The following ADAMTSL1 variants were observed in gnomAD, a reference collection of about 807,000 sequenced individuals.
ADAMTSL1 encodes the protein ADAMTS like 1, also known as ADAMTS-like protein 1.
A neutral mutation model predicts 201.8 loss-of-function variants in ADAMTSL1; 126 were observed. The observed-to-expected ratio is 0.62, with a 90% CI of 0.54 to 0.72. The LOEUF (loss-of-function observed/expected upper bound fraction) is 0.72, where lower values mean the gene tolerates loss of function less well. Ranked by LOEUF, ADAMTSL1 falls within the 30% of genes least tolerant of loss-of-function variation. The pLI is 0.00. For synonymous variants in ADAMTSL1, 1,121 were observed against 903.4 expected (o/e 1.24, Z -4.32); for missense variants, 2,679 against 2,277.8 (o/e 1.18, Z -3.59).
intron 2 of ADAMTSL1, among the ~76,000 whole-genome samples, chr9:18,191,662 G>A (rs975804827): frequency 3.3e-5 from 5 of 152,168 alleles, no homozygotes; most frequent in African/African-American, 1.2e-4. Context: ...ACAGTTGCCA[G>A]CATGGATGCC....
intron 1 of ADAMTSL1, among the ~76,000 whole-genome samples, chr9:18,088,891 T>C (rs1279119229): frequency 6.6e-6 from 1 of 152,198 alleles, no homozygotes; most frequent in African/African-American, 2.4e-5. Flanking sequence ...TGGGTATTTA[T>C]CTGAAAGATT....
intron 2 of ADAMTSL1, among the ~76,000 whole-genome samples, chr9:18,356,359 G>C (rs1211247541): frequency 6.6e-6 from 1 of 151,938 alleles, no homozygotes; most frequent in African/African-American, 2.4e-5. Context: ...GCCCCTGTCT[G>C]CCTAAGCATT....
chr9:18,170,027 A>G (rs759876358), intron 2 of ADAMTSL1, among the ~76,000 whole-genome samples: 1 of 152,030 alleles, frequency 6.6e-6, no homozygotes, highest in East Asian at 1.9e-4. Flanking sequence ...ACTTTGAGTT[A>G]TATGATATTA....
chr9:18,680,828 G>A (rs1327783246), intron 11 of ADAMTSL1: 2 of 362,462 alleles, frequency 5.5e-6, no homozygotes, highest in East Asian at 6.1e-5. Flanking sequence ...TCCCGAATCT[G>A]TAAAAGCTGC....
At chr9:18,907,024 G>A in intron 28 of ADAMTSL1, 112 bp downstream of exon 28, 1 of 1,240,730 alleles carries the variant, frequency 8.1e-7, no homozygotes, top group South Asian at 1.4e-5. Flanking sequence ...CTTCCCCAGG[G>A]ATTGTGAGCT....
chr9:18,442,743 A>G (rs1021517339), intron 2 of ADAMTSL1, among the ~76,000 whole-genome samples: 1 of 152,196 alleles, frequency 6.6e-6, no homozygotes, highest in African/African-American at 2.4e-5. Context: ...TAAACGTTTT[A>G]AGAAGACGGA....
chr9:18,607,352 C>A (rs191779218), intron 4 of ADAMTSL1, among the ~76,000 whole-genome samples: 1 of 152,108 alleles, frequency 6.6e-6, no homozygotes, highest in Non-Finnish European at 1.5e-5. Context: ...CCATAAAATT[C>A]GTGGTCAAAT....
intron 2 of ADAMTSL1, among the ~76,000 whole-genome samples, chr9:18,182,341 A>G (rs1563791589): frequency 6.6e-6 from 1 of 152,196 alleles, no homozygotes. Flanking sequence ...TATACTAAAA[A>G]CTACTTAATT....
chr9:18,624,394 G>T (rs1433249566), intron 5 of ADAMTSL1, among the ~76,000 whole-genome samples: 1 of 152,148 alleles, frequency 6.6e-6, no homozygotes, highest in Non-Finnish European at 1.5e-5. Flanking sequence ...TGTTAGAAAA[G>T]AGTTACATTT....
In ADAMTSL1 at chr9:18,529,262, G is replaced by A. The variant is rs760071939; in HGVS notation, c.192-3985G>A. Among the ~76,000 whole-genome samples, 6 of 152,192 alleles carry A rather than the reference G, an allele frequency of 3.9e-5. No individual in the cohort carries two copies. The East Asian group carries it at 1.2e-3, about 29-fold the overall frequency. On this transcript the variant is annotated intron_variant, in intron 2 of 28. Coordinates refer to ENST00000380548, the MANE Select transcript of ADAMTSL1 (RefSeq NM_001040272.6). ...TATCTACCTATGTTTTTCTAGAAAC[G>A]GATTTACCAGAATTGAGAAGTAGTT...
At chr9:18,490,110 T>C (rs1822194549) in intron 1 of ADAMTSL1, among the ~76,000 whole-genome samples, 1 of 152,168 alleles carries the variant, frequency 6.6e-6, no homozygotes, top group African/African-American at 2.4e-5. Flanking sequence ...ATCATTCCTA[T>C]CTTATGTTCA....
intron 23 of ADAMTSL1, among the ~76,000 whole-genome samples, chr9:18,864,915 T>A (rs1206006167): frequency 6.6e-6 from 1 of 152,220 alleles, no homozygotes; most frequent in Non-Finnish European, 1.5e-5. Flanking sequence ...CTATTTCATG[T>A]CAGTACTTAG....
intron 2 of ADAMTSL1, among the ~76,000 whole-genome samples, chr9:18,450,639 C>T (rs1223100258): frequency 6.6e-6 from 1 of 151,764 alleles, no homozygotes; most frequent in African/African-American, 2.4e-5. Context: ...TATACACACA[C>T]ACCACATAGA....
chr9:18,282,780 C>G (rs1311327067), intron 2 of ADAMTSL1, among the ~76,000 whole-genome samples: 1 of 152,174 alleles, frequency 6.6e-6, no homozygotes, highest in Non-Finnish European at 1.5e-5. Flanking sequence ...GCCTGTAATC[C>G]CAGCTACTGG....
At chr9:17,944,679 A>T (rs2131356628) in intron 1 of ADAMTSL1, among the ~76,000 whole-genome samples, 1 of 141,012 alleles carries the variant, frequency 7.1e-6, no homozygotes, top group East Asian at 2.1e-4. Flanking sequence ...CAACTATCTG[A>T]TCTTTGACAA....
intron 1 of ADAMTSL1, among the ~76,000 whole-genome samples, chr9:18,038,228 C>T (rs543164271): frequency 2.6e-5 from 4 of 152,094 alleles, no homozygotes; most frequent in Non-Finnish European, 4.4e-5. Context: ...TGTTCATTCC[C>T]GGGTGGCTAT....
chr9:18,711,069 A>G (rs1399584803), intron 14 of ADAMTSL1, among the ~76,000 whole-genome samples: 2 of 152,228 alleles, frequency 1.3e-5, no homozygotes, highest in African/African-American at 4.8e-5. Flanking sequence ...ATTCACAGTG[A>G]TGATCTACAG....
At chr9:18,288,739 A>G (rs769566984) in intron 2 of ADAMTSL1, among the ~76,000 whole-genome samples, 1 of 152,262 alleles carries the variant, frequency 6.6e-6, no homozygotes, top group Non-Finnish European at 1.5e-5. Context: ...AGGATTCACA[A>G]AAATGAGAAA....
intron 1 of ADAMTSL1, among the ~76,000 whole-genome samples, chr9:18,037,421 A>G (rs1319095616): frequency 9.9e-5 from 15 of 152,170 alleles, no homozygotes; most frequent in Non-Finnish European, 2.1e-4. Context: ...GTAGAGATGG[A>G]GCCCTTACTC....
Sources: allele counts gnomAD v4.1 joint callset (sites outside exome capture counted in the v4.1 genomes callset), GRCh38; gene constraint gnomAD v4.1.1; transcripts MANE v1.5; gene names NCBI Gene and HGNC (gene_info 2026-07-23, HGNC 2026-07-21).